ARIH2: variants seen among roughly 807,000 people sequenced by gnomAD.
The protein encoded by ARIH2 is ariadne RBR E3 ubiquitin protein ligase 2.
Under a neutral mutation model 79.8 loss-of-function variants are expected in ARIH2, and 12 were observed. The ratio of observed to expected loss-of-function variants is 0.15; its 90% CI spans 0.10 to 0.24. The LOEUF (loss-of-function observed/expected upper bound fraction) is 0.24, where lower values mean the gene tolerates loss of function less well. Ranked by LOEUF, ARIH2 falls within the 10% of genes least tolerant of loss-of-function variation. The pLI is 1.00. For synonymous variants in ARIH2, 224 were observed against 213.9 expected (o/e 1.05, Z -0.41); for missense variants, 301 against 618.3 (o/e 0.49, Z 5.44).
At chr3:48,965,285 G>A (rs781759559) in intron 5 of ARIH2, among the ~76,000 whole-genome samples, 12 of 152,002 alleles carry the variant, frequency 7.9e-5, no homozygotes, top group Non-Finnish European at 1.6e-4. Context: ...GCGTGAACCC[G>A]GGAGGCGGAG....
In ARIH2 at chr3:48,963,553, T is replaced by C. The variant is rs563393743; in HGVS notation, c.324-1366T>C. ...TTATTGCCACTTGATAATTCTGTTA[T>C]AAATGGAAAATTATTGTAGGTAACT... is the stretch of plus-strand genomic sequence containing the variant. On this transcript the variant is annotated intron_variant, in intron 4 of 15. Coordinates refer to ENST00000356401, the MANE Select transcript of ARIH2 (RefSeq NM_006321.4). Among the ~76,000 whole-genome samples, 5 of 152,356 alleles carry C rather than the reference T, an allele frequency of 3.3e-5. 1 individual carries two copies. In the South Asian group the frequency reaches 1.0e-3, roughly 32 times the overall value.
At chr3:48,968,840 C>G (rs1049571702) in intron 7 of ARIH2, among the ~76,000 whole-genome samples, 185 bp downstream of exon 7, 7 of 152,192 alleles carry the variant, frequency 4.6e-5, no homozygotes, top group Non-Finnish European at 8.8e-5. Context: ...GCCTTAGAAT[C>G]AGACACACCA....
At chr3:48,963,254 A>G (rs2091460931) in intron 4 of ARIH2, among the ~76,000 whole-genome samples, 1 of 152,182 alleles carries the variant, frequency 6.6e-6, no homozygotes, top group Admixed American at 6.5e-5. Flanking sequence ...TTATTATTAT[A>G]CTACTGCCCA....
intron 3 of ARIH2, among the ~76,000 whole-genome samples, chr3:48,944,062 T>C (rs1164161257): frequency 6.6e-6 from 1 of 152,212 alleles, no homozygotes; most frequent in African/African-American, 2.4e-5. Flanking sequence ...CCTGGAAGTC[T>C]GTTAAGAGTT....
chr3:48,970,671 G>T lies in ARIH2; in HGVS notation c.737G>T (p.Arg246Leu). Residue 246 changes from arginine to leucine, a missense_variant, in exon 8 of 16, where the codon CGA (arginine) becomes CTA (leucine). Coordinates refer to ENST00000356401, the MANE Select transcript of ARIH2 (RefSeq NM_006321.4). ...VIRVQEPRAR[R>L]VQCNRCNEVF... The stretch of plus-strand genomic sequence containing the variant: ...CGGGTACAGGAGCCTAGAGCTCGCC[G>T]AGTACAGTGCAATCGGTGCAACGAG... 1 of 1,613,992 alleles carries T rather than the reference G, an allele frequency of 6.2e-7. No homozygotes were observed. The highest frequency in any genetic ancestry group is 1.1e-5 in the South Asian group (1 of 91,054).
intron 1 of ARIH2, chr3:48,919,413 C>G (rs564159193): frequency 3.5e-5 from 13 of 368,810 alleles, no homozygotes; most frequent in Middle Eastern, 7.4e-4. Context: ...GGCTCCGCGT[C>G]CGCGCGAATA....
intron 1 of ARIH2, chr3:48,919,493 T>C: frequency 4.4e-6 from 1 of 228,374 alleles, no homozygotes; most frequent in Non-Finnish European, 8.5e-6. Flanking sequence ...CAGAAGCTGG[T>C]TGGGCAGCCG....
chr3:48,935,540 A>G (rs2086985281), intron 3 of ARIH2, among the ~76,000 whole-genome samples: 1 of 152,230 alleles, frequency 6.6e-6, no homozygotes, highest in Non-Finnish European at 1.5e-5. Flanking sequence ...GGCCTTGTCC[A>G]GAGTCTGGGC....
intron 13 of ARIH2, 24 bp from the exon 14 acceptor site, chr3:48,981,636 T>G: frequency 6.3e-7 from 1 of 1,599,432 alleles, no homozygotes; most frequent in African/African-American, 1.3e-5. Context: ...AGACACAGGT[T>G]CCTTCTCTTC....
chr3:48,963,083 T>G (rs1453625435), intron 4 of ARIH2, among the ~76,000 whole-genome samples: 1 of 152,108 alleles, frequency 6.6e-6, no homozygotes, highest in African/African-American at 2.4e-5. Context: ...ATCGTGCCTT[T>G]CCTTCTCCGG....
chr3:48,941,383 TTAAG>T (rs2088190644), intron 3 of ARIH2, among the ~76,000 whole-genome samples: 2 of 152,034 alleles, frequency 1.3e-5, no homozygotes, highest in African/African-American at 4.8e-5. Flanking sequence ...AGGGAGCAAT[TTAAG>T]TAAGTTACAT....
chr3:48,948,458 T>G (rs1347317227), intron 3 of ARIH2, among the ~76,000 whole-genome samples: 1 of 151,780 alleles, frequency 6.6e-6, no homozygotes, highest in Non-Finnish European at 1.5e-5. Flanking sequence ...AGTGCTAATT[T>G]TATATTTTTA....
At chr3:48,975,171 C>T (rs776810774) in intron 11 of ARIH2, 192 bp downstream of exon 11, 87 of 836,812 alleles carry the variant, frequency 1.0e-4, no homozygotes, top group Non-Finnish European at 1.4e-4. Context: ...CTTATAATCC[C>T]ACTGCTATCT....
intron 3 of ARIH2, among the ~76,000 whole-genome samples, chr3:48,945,382 G>A (rs568026923): frequency 6.6e-6 from 1 of 152,306 alleles, no homozygotes; most frequent in South Asian, 2.1e-4. Context: ...AGGAGCAGGG[G>A]CTATTTTAGC....
At chr3:48,968,313 T>G in intron 6 of ARIH2, 1 of 345,724 alleles carries the variant, frequency 2.9e-6, no homozygotes, top group Non-Finnish European at 5.7e-6. Context: ...GTTCACGCCA[T>G]TCTCCTGCCC....
chr3:48,978,579 A>G (rs1315274590), intron 11 of ARIH2, among the ~76,000 whole-genome samples: 2 of 148,998 alleles, frequency 1.3e-5, no homozygotes, highest in South Asian at 2.2e-4. Flanking sequence ...TTGGCCTCCC[A>G]GAGTGCTGGT....
intron 1 of ARIH2, 138 bp downstream of exon 1, chr3:48,919,136 C>G: frequency 7.7e-7 from 1 of 1,303,616 alleles, no homozygotes; most frequent in Non-Finnish European, 9.7e-7. Flanking sequence ...GTCGCCGGCA[C>G]GTTGTCCGAG....
chr3:48,945,165 T>G, intron 3 of ARIH2: 2 of 1,289,840 alleles, frequency 1.6e-6, no homozygotes, highest in Non-Finnish European at 2.0e-6. Context: ...ATCAGCTGCA[T>G]CCTCCCTATG....
chr3:48,981,323 C>T (rs959002223), intron 13 of ARIH2, among the ~76,000 whole-genome samples: 1 of 150,938 alleles, frequency 6.6e-6, no homozygotes, highest in African/African-American at 2.4e-5. Flanking sequence ...CAGAACAAAA[C>T]CTTGTTTCAA....
Sources: gnomAD v4.1 joint callset for allele counts (sites outside exome capture counted in the v4.1 genomes callset) on GRCh38, gnomAD v4.1.1 for gene constraint, MANE v1.5 for transcripts, NCBI Gene and HGNC (gene_info 2026-07-23, HGNC 2026-07-21) for gene names.